Variants in PAX3 observed in about 807,000 individuals in gnomAD.
The protein encoded by PAX3 is paired box 3.
A neutral mutation model predicts 51.6 loss-of-function variants in PAX3; 14 were observed. That is an observed-to-expected ratio of 0.27 (90% CI 0.18 to 0.42). The LOEUF is 0.42. Ranked by LOEUF, PAX3 falls within the 10% of genes least tolerant of loss-of-function variation. The probability of loss-of-function intolerance (pLI) is 1.00; values close to 1 mark genes in which losing one functional copy is unlikely to be tolerated. For synonymous variants in PAX3, 280 were observed against 253.4 expected (o/e 1.11, Z -1.00); for missense variants, 540 against 642.8 (o/e 0.84, Z 1.73).
chr2:222,202,494 T>C (rs1049071791), intron 7 of PAX3, among the ~76,000 whole-genome samples: 1 of 151,288 alleles, frequency 6.6e-6, no homozygotes, highest in African/African-American at 2.4e-5. Flanking sequence ...AGTGATAAAA[T>C]CAGACTGGAA....
chr2:222,237,378 TAACAGAAATGAACAAA>T (rs1692841270), intron 4 of PAX3, among the ~76,000 whole-genome samples: 1 of 147,054 alleles, frequency 6.8e-6, no homozygotes, highest in Non-Finnish European at 1.5e-5. Context: ...TGAAGAGGAA[TAACAGAAATGAACAAA>T]AACAGAAATT....
Position 222,298,552 on chromosome 2 carries a change from G to T in PAX3, c.64C>A (p.Arg22Ser), listed in dbSNP as rs1026986168. 8.1e-6 allele frequency: 13 copies of T among 1,606,358 alleles called. No homozygotes were observed. Among genetic ancestry groups the T allele is most frequent in the South Asian group, 1.1e-5 (1 of 89,732 alleles). Residue 22 changes from arginine to serine, a missense_variant, in exon 1 of 9, where the codon CGT becomes AGT. Arg to Ser is a moderately radical substitution (Grantham distance 110, BLOSUM62 -1). Around this residue, in one of 3 missense-constraint regions of PAX3, gnomAD observed 63 missense variants for 49.9 expected, o/e 1.26. Coordinates refer to ENST00000392070, the MANE Select transcript of PAX3 (RefSeq NM_181458.4). ...MRPGPGQNYP[R>S]SGFPLEVSTP... is the part of the protein sequence containing the mutation. Reference sequence around the variant, plus strand: ...TTACCTTCCAGCGGGAACCCGCTACGCGGGTAGTTCTGCCCCGGGCCCGGC... The same window carrying T: ...TTACCTTCCAGCGGGAACCCGCTACTCGGGTAGTTCTGCCCCGGGCCCGGC...
intron 4 of PAX3, among the ~76,000 whole-genome samples, chr2:222,266,027 A>G (rs1246056232): frequency 6.6e-6 from 1 of 152,248 alleles, no homozygotes; most frequent in Non-Finnish European, 1.5e-5. Flanking sequence ...CGGAGCTTGA[A>G]GCTTGTAAAA....
At chr2:222,233,831 G>A (rs572399757) in intron 4 of PAX3, among the ~76,000 whole-genome samples, 1 of 152,256 alleles carries the variant, frequency 6.6e-6, no homozygotes, top group South Asian at 2.1e-4. Flanking sequence ...GTCAGCAAAT[G>A]CAACAGTAAG....
chr2:222,269,314 C>T (rs1694167177), intron 4 of PAX3, among the ~76,000 whole-genome samples: 1 of 152,178 alleles, frequency 6.6e-6, no homozygotes, highest in South Asian at 2.1e-4. Flanking sequence ...TCGTCCCTAC[C>T]CTTGCCCTGA....
chr2:222,201,932 T>C lies in PAX3; in HGVS notation c.1420+12A>G. 6.2e-7 allele frequency: 1 copy of C among 1,614,002 alleles called. No individual in the cohort carries two copies. The highest frequency in any genetic ancestry group is 8.5e-7 in the Non-Finnish European group (1 of 1,179,990). The stretch of plus-strand genomic sequence containing the variant: ...CCAGGAGAAATTGCCCCCTAAAAAG[T>C]CCAAGGCTTACTTTGTCCATACTGC... On this transcript the variant is annotated intron_variant, in intron 8 of 8. Transcript: ENST00000392070.
intron 4 of PAX3, among the ~76,000 whole-genome samples, chr2:222,286,984 A>T (rs1694854828): frequency 6.6e-6 from 1 of 152,236 alleles, no homozygotes; most frequent in African/African-American, 2.4e-5. Context: ...TATTCCAACT[A>T]AAACTTGGAA....
chr2:222,252,079 G>A (rs1693455177), intron 4 of PAX3, among the ~76,000 whole-genome samples: 1 of 152,078 alleles, frequency 6.6e-6, no homozygotes, highest in Admixed American at 6.6e-5. Context: ...CTTAATGGTT[G>A]AAAAAAGAAG....
chr2:222,232,048 A>C, intron 5 of PAX3, 30 bp downstream of exon 5: 1 of 1,600,626 alleles, frequency 6.2e-7, no homozygotes, highest in Middle Eastern at 1.9e-4. Flanking sequence ...TCTGGACTGA[A>C]GTAGGACACG....
At chr2:222,208,419 T>C (rs932503949) in intron 7 of PAX3, among the ~76,000 whole-genome samples, 4 of 152,120 alleles carry the variant, frequency 2.6e-5, no homozygotes, top group African/African-American at 9.7e-5. Context: ...AATGATATCC[T>C]CTTATCTGAC....
At chr2:222,295,679 G>A (rs1695258121) in intron 2 of PAX3, 22 bp from the exon 3 acceptor site, 1 of 1,613,842 alleles carries the variant, frequency 6.2e-7, no homozygotes, top group Non-Finnish European at 8.5e-7. Flanking sequence ...CAGGCGGGCA[G>A]GCGTTGGTAC....
chr2:222,256,704 A>G (rs1380636527), intron 4 of PAX3, among the ~76,000 whole-genome samples: 1 of 152,220 alleles, frequency 6.6e-6, no homozygotes, highest in Non-Finnish European at 1.5e-5. Flanking sequence ...CCTAAACATC[A>G]TAAAGTGAAT....
intron 4 of PAX3, among the ~76,000 whole-genome samples, chr2:222,249,510 G>C (rs758921835): frequency 6.6e-6 from 1 of 152,134 alleles, no homozygotes. Flanking sequence ...AAAAAGGTTT[G>C]AGTAAATCCT....
At chr2:222,281,973 C>G (rs541128977) in intron 4 of PAX3, among the ~76,000 whole-genome samples, 320 of 152,330 alleles carry the variant, frequency 2.1e-3, no homozygotes, top group African/African-American at 7.5e-3. Flanking sequence ...TCCTGCCTTA[C>G]TGGCACACTA....
chr2:222,293,622 C>G, intron 4 of PAX3: 1 of 1,612,856 alleles, frequency 6.2e-7, no homozygotes, highest in South Asian at 1.1e-5. Context: ...CAACTTCAAA[C>G]AAATCAAACC....
At chr2:222,291,126 C>A (rs1373236342) in intron 4 of PAX3, among the ~76,000 whole-genome samples, 1 of 152,158 alleles carries the variant, frequency 6.6e-6, no homozygotes, top group Non-Finnish European at 1.5e-5. Flanking sequence ...TGGCGGCGCC[C>A]GCGGGCCCGC....
At chr2:222,225,352 A>G (rs147599342) in intron 5 of PAX3, among the ~76,000 whole-genome samples, 3 of 152,312 alleles carry the variant, frequency 2.0e-5, no homozygotes, top group East Asian at 1.9e-4. Flanking sequence ...ATAATGTCCA[A>G]TGATTTTTTG....
chr2:222,268,649 G>C (rs2106155921), intron 4 of PAX3, among the ~76,000 whole-genome samples: 1 of 152,298 alleles, frequency 6.6e-6, no homozygotes, highest in Admixed American at 6.5e-5. Context: ...AGAGGGGAGT[G>C]TTCGCCAAAT....
rs368000808 is a variant in PAX3, at chr2:222,288,198, G to A, written c.586+5969C>T. Among the ~76,000 whole-genome samples, 9 of 152,174 alleles carry A rather than the reference G, an allele frequency of 5.9e-5. 1 individual carries two copies. In the East Asian group the frequency reaches 9.6e-4, roughly 16 times the overall value. On this transcript the variant is annotated intron_variant, in intron 4 of 8. Transcript: ENST00000392070. ...TTAAAAGAGTCATAAAATGATTCAAGGAAATATTTCTCCTGGCATTCAACA... is the reference window on the plus strand; with the variant it reads ...TTAAAAGAGTCATAAAATGATTCAAAGAAATATTTCTCCTGGCATTCAACA...
Sources: allele counts gnomAD v4.1 joint callset (sites outside exome capture counted in the v4.1 genomes callset), GRCh38; gene constraint gnomAD v4.1.1; regional missense constraint gnomAD v4.1.1; transcripts MANE v1.5; gene names NCBI Gene and HGNC (gene_info 2026-07-23, HGNC 2026-07-21).